The following MARCHF7 variants were observed in gnomAD, a reference collection of about 807,000 sequenced individuals.
The protein encoded by MARCHF7 is E3 ubiquitin-protein ligase MARCHF7.
Under a neutral mutation model 76.5 loss-of-function variants are expected in MARCHF7, and 20 were observed. The observed-to-expected ratio is 0.26, with a 90% CI of 0.18 to 0.38. The LOEUF (loss-of-function observed/expected upper bound fraction) is 0.38. Ranked by LOEUF, MARCHF7 falls within the 10% of genes least tolerant of loss-of-function variation. The probability of loss-of-function intolerance (pLI) is 1.00; values close to 1 mark genes in which losing one functional copy is unlikely to be tolerated. For missense variants in MARCHF7, 797 were observed against 812.9 expected, an observed-to-expected ratio of 0.98 and a Z score of 0.24; for synonymous variants, 295 against 293.0, an observed-to-expected ratio of 1.01 and a Z score of -0.07.
rs150665543 is a variant in MARCHF7 at position 159,733,849 on chromosome 2, A to G, written c.153+4674A>G. ...GGTTTCTCTCACTTACACGATTATTATGTAATATACTTGAGCTTAAGAATC... is the reference window on the plus strand; with the variant it reads ...GGTTTCTCTCACTTACACGATTATTGTGTAATATACTTGAGCTTAAGAATC... On this transcript the variant is annotated intron_variant, in intron 4 of 11. Transcript: ENST00000409175. 3.4e-4 allele frequency: 399 copies of G among 1,186,348 alleles called. 1 individual carries two copies. The highest frequency in any genetic ancestry group is 1.0e-3 in the Admixed American group (23 of 22,740). The allele number at this position is 1,186,348 out of a possible 1,614,324, so 73.5% of individuals were successfully genotyped here. A position where few individuals can be genotyped will look rare whatever the true frequency, so the allele number is the denominator to read the frequency against.
chr2:159,715,298 A>C (rs573261129), intron 2 of MARCHF7, among the ~76,000 whole-genome samples: 9 of 152,184 alleles, frequency 5.9e-5, no homozygotes, highest in African/African-American at 2.2e-4. Flanking sequence ...TTTGCTAATC[A>C]TAGGATGAGC....
In MARCHF7 at chr2:159,745,883, A is replaced by G. The variant is rs778493903; in HGVS notation, c.460A>G (p.Ile154Val). The G allele has an allele frequency of 1.1e-5, 17 of 1,611,700 alleles. No individual in the cohort carries two copies. In the African/African-American group the frequency reaches 1.9e-4, roughly 18 times the overall value. ...TTTGGAGAGAAGAACAGATTCCTCTATTAGTAATCTTATGGATTATAGTCA... is the reference window on the plus strand; with the variant it reads ...TTTGGAGAGAAGAACAGATTCCTCTGTTAGTAATCTTATGGATTATAGTCA... ...RDLERRTDSS[I>V]SNLMDYSHRS... The change falls in exon 6 of 12, where the codon ATT (isoleucine) becomes GTT (valine). Residue 154 changes from isoleucine (I) to valine (V), a missense_variant. Physicochemically the swap from Ile to Val is conservative, Grantham distance 29 (BLOSUM62 3). Transcript: ENST00000409175.
At chr2:159,734,532 A>G (rs896270975) in intron 4 of MARCHF7, among the ~76,000 whole-genome samples, 1 of 152,190 alleles carries the variant, frequency 6.6e-6, no homozygotes, top group African/African-American at 2.4e-5. Context: ...GAATACTGAG[A>G]GTAATAAATA....
intron 8 of MARCHF7, among the ~76,000 whole-genome samples, chr2:159,756,704 A>C (rs1337292225): frequency 5.9e-5 from 9 of 151,368 alleles, no homozygotes; most frequent in African/African-American, 1.9e-4. Flanking sequence ...AAAAAAAAAA[A>C]AAAAAAAAAA....
chr2:159,720,773 T>A (rs1701548462), intron 3 of MARCHF7, among the ~76,000 whole-genome samples: 2 of 152,316 alleles, frequency 1.3e-5, no homozygotes, highest in African/African-American at 2.4e-5. Context: ...AAATTCAGGA[T>A]TTGAACTTCC....
chr2:159,759,156 C>T (rs1706694488), intron 8 of MARCHF7, 70 bp from the exon 9 acceptor site: 1 of 815,452 alleles, frequency 1.2e-6, no homozygotes, highest in East Asian at 2.5e-5. Context: ...AAGCTTAAAA[C>T]TTAACGAGGA....
chr2:159,757,009 C>T (rs567984985), intron 8 of MARCHF7, among the ~76,000 whole-genome samples: 1 of 152,272 alleles, frequency 6.6e-6, no homozygotes, highest in Non-Finnish European at 1.5e-5. Context: ...TCTCCTGCCT[C>T]AGCCTCCTAA....
Position 159,748,442 on chromosome 2 carries a change from A to C in MARCHF7, c.1152A>C (p.Pro384=). The C allele has an allele frequency of 6.2e-7, 1 of 1,614,180 alleles. No individual in the cohort carries two copies. Among genetic ancestry groups the C allele is most frequent in the South Asian group, 1.1e-5 (1 of 91,086 alleles). ...AATCTGAAGGTAGAAATACAGGACC[A>C]TGGTTATCTTCCTCACTTAGAAATA... ...NQESEGRNTG[P]WLSSSLRNRC... The change falls in exon 7 of 12, where the codon CCA becomes CCC. Residue 384 remains proline, a synonymous_variant. Transcript: ENST00000409175.
chr2:159,756,687 CAAAAAAAAAAAAAAA>C (rs869261420), intron 8 of MARCHF7, among the ~76,000 whole-genome samples: 3 of 64,238 alleles, frequency 4.7e-5, no homozygotes, highest in East Asian at 6.0e-4. Context: ...CACTCAGTCT[CAAAAAAAAAAAAAAA>C]AAAAAAAAAA....
intron 7 of MARCHF7, among the ~76,000 whole-genome samples, chr2:159,750,727 TG>T (rs1705539259): frequency 6.6e-6 from 1 of 152,082 alleles, no homozygotes; most frequent in Non-Finnish European, 1.5e-5. Context: ...GTTATTAAAA[TG>T]AGATAAATTA....
At chr2:159,731,842 C>A (rs752069305) in intron 4 of MARCHF7, among the ~76,000 whole-genome samples, 6 of 152,028 alleles carry the variant, frequency 3.9e-5, no homozygotes, top group Non-Finnish European at 8.8e-5. Flanking sequence ...CAGTGGCTCA[C>A]GCCTGTAATC....
intron 4 of MARCHF7, among the ~76,000 whole-genome samples, chr2:159,736,666 T>C (rs1406807864): frequency 6.6e-6 from 1 of 152,342 alleles, no homozygotes; most frequent in African/African-American, 2.4e-5. Context: ...ACAATAGTAA[T>C]AGTAAATGAT....
At chr2:159,738,580 G>A (rs992215333) in intron 4 of MARCHF7, among the ~76,000 whole-genome samples, 2 of 152,146 alleles carry the variant, frequency 1.3e-5, no homozygotes, top group East Asian at 1.9e-4. Flanking sequence ...TCATCCCAAC[G>A]AGTGTGTAGC....
Position 159,733,053 on chromosome 2 carries a change from T to C in MARCHF7, c.153+3878T>C, listed in dbSNP as rs865907304. ...AATTATAATTATTTATAATTGTTAT[T>C]TTTATTTAGTTATAATTATTTATAA... On this transcript the variant is annotated intron_variant, in intron 4 of 11. Transcript: ENST00000409175. The C allele has an allele frequency of 1.2e-5, 7 of 599,318 alleles. No individual in the cohort carries two copies. The Middle Eastern group carries it at 2.5e-3, about 214-fold the overall frequency. 37.1% of individuals were successfully genotyped at this position (599,318 alleles called of 1,614,324 possible). A position where few individuals can be genotyped will look rare whatever the true frequency, so the allele number is the denominator to read the frequency against.
At chr2:159,756,287 T>C (rs568671501) in intron 8 of MARCHF7, among the ~76,000 whole-genome samples, 22 of 152,298 alleles carry the variant, frequency 1.4e-4, no homozygotes, top group Non-Finnish European at 2.9e-4. Flanking sequence ...AAGCCCAGTT[T>C]GGAATATTTA....
At position 159,764,690 on chromosome 2, in the gene MARCHF7, C is replaced by T. The variant is rs759954760; in HGVS notation, c.2056+16C>T. 3.0e-5 allele frequency: 48 copies of T among 1,596,628 alleles called. No individual in the cohort carries two copies. In the Admixed American group the frequency reaches 6.6e-4, roughly 22 times the overall value. Reference sequence around the variant, plus strand: ...GATCTCGAAAGTAGGTGGAATTTCCCCTCCCCAGACTTGTTGAATTTACTT... The same window carrying T: ...GATCTCGAAAGTAGGTGGAATTTCCTCTCCCCAGACTTGTTGAATTTACTT... On this transcript the variant is annotated intron_variant, in intron 11 of 11. Coordinates refer to ENST00000409175, the MANE Select transcript of MARCHF7 (RefSeq NM_001282805.2).
chr2:159,758,464 A>G (rs1401126798), intron 8 of MARCHF7, among the ~76,000 whole-genome samples: 1 of 152,182 alleles, frequency 6.6e-6, no homozygotes. Context: ...CCAGACAGAA[A>G]CGCTAACCAT....
At chr2:159,738,365 G>C (rs1385473835) in intron 4 of MARCHF7, among the ~76,000 whole-genome samples, 3 of 152,294 alleles carry the variant, frequency 2.0e-5, no homozygotes, top group Admixed American at 6.5e-5. Flanking sequence ...CATGGTGAGT[G>C]GGGGGTAGGA....
chr2:159,719,133 G>A (rs983422274), intron 3 of MARCHF7, among the ~76,000 whole-genome samples: 2 of 152,162 alleles, frequency 1.3e-5, no homozygotes, highest in Admixed American at 6.5e-5. Flanking sequence ...CACCACTACC[G>A]CCCGGCTAAA....
Sources: allele counts gnomAD v4.1 joint callset (sites outside exome capture counted in the v4.1 genomes callset), GRCh38; gene constraint gnomAD v4.1.1; transcripts MANE v1.5; gene names NCBI Gene and HGNC (gene_info 2026-07-23, HGNC 2026-07-21).